Variants in VIP observed in about 807,000 individuals in gnomAD.
The protein encoded by VIP is VIP peptides.
In VIP, 18 loss-of-function variants were observed where a neutral mutation model predicts 20.1. That is an observed-to-expected ratio of 0.90 (90% CI 0.62 to 1.33). The LOEUF is 1.33. VIP is among the 40% of genes most tolerant of loss of function. The probability of loss-of-function intolerance (pLI) is 0.00; values close to 1 mark genes in which losing one functional copy is unlikely to be tolerated. For missense variants in VIP, 209 were observed against 199.4 expected, an observed-to-expected ratio of 1.05 and a Z score of -0.29; for synonymous variants, 70 against 68.1, an observed-to-expected ratio of 1.03 and a Z score of -0.14.
rs2099729758 is a variant in VIP at position 152,752,234 on chromosome 6, C to T, written c.57C>T (p.Leu19=). The change falls in exon 2 of 7, where the codon CTC becomes CTT. Residue 19 remains leucine (L), a synonymous_variant. Coordinates refer to ENST00000367244, the MANE Select transcript of VIP (RefSeq NM_003381.4). ...LLVLLTLLSV[L]FSQTSAWPLY... ...TGCTCCTGACTCTTCTCAGTGTGCT[C>T]TTCTCACAGACTTCGGCATGGCCTC... is the stretch of plus-strand genomic sequence containing the variant. 3 of 1,613,622 alleles carry T rather than the reference C, an allele frequency of 1.9e-6. No homozygotes were observed. Among genetic ancestry groups the T allele is most frequent in the Non-Finnish European group, 2.5e-6 (3 of 1,179,674 alleles).
rs764090062 is a variant in VIP, at chr6:152,755,218, T to C, written c.231-51T>C. 5.7e-6 allele frequency: 7 copies of C among 1,232,520 alleles called. No homozygotes were observed. The South Asian group carries it at 1.0e-4, about 18-fold the overall frequency. 76.3% of individuals were successfully genotyped at this position (1,232,520 alleles called of 1,614,324 possible). A position where few individuals can be genotyped will look rare whatever the true frequency, so the allele number is the denominator to read the frequency against. On this transcript the variant is annotated intron_variant, in intron 3 of 6. Transcript: ENST00000367244. The stretch of plus-strand genomic sequence containing the variant: ...GTTATTTAATAAGCCATAATAATAT[T>C]CTAGAAAGCCATTTACAAAATAATA...
rs747195376 is a variant in VIP, at chr6:152,752,214, C to G, written c.37C>G (p.Leu13Val). 5.0e-6 allele frequency: 8 copies of G among 1,613,420 alleles called. No individual in the cohort carries two copies. Among genetic ancestry groups the G allele is most frequent in the Non-Finnish European group, 6.8e-6 (8 of 1,179,636 alleles). The change falls in exon 2 of 7, where the codon CTG (leucine) becomes GTG (valine). Residue 13 changes from leucine to valine, a missense_variant. Leu to Val is a conservative substitution (Grantham distance 32). Transcript: ENST00000367244. ...AAATAAGGCCCAGCTCCTTGTGCTC[C>G]TGACTCTTCTCAGTGTGCTCTTCTC... ...TRNKAQLLVL[L>V]TLLSVLFSQT...
At position 152,754,163 on chromosome 6, in the gene VIP, C is replaced by G; in HGVS notation, c.108-3C>G. The G allele has an allele frequency of 6.2e-7, 1 of 1,607,976 alleles. No individual in the cohort carries two copies. The highest frequency in any genetic ancestry group is 8.5e-7 in the Non-Finnish European group (1 of 1,177,174). Reference sequence around the variant, plus strand: ...ATTATTCTCGTGTAACTTTCCCCATCAGGTTGGGTGACAGAATACCCTTTG... The same window carrying G: ...ATTATTCTCGTGTAACTTTCCCCATGAGGTTGGGTGACAGAATACCCTTTG... On this transcript the variant is annotated splice_region_variant and splice_polypyrimidine_tract_variant and intron_variant, in intron 2 of 6. Transcript: ENST00000367244.
rs957710250 is a variant in VIP at position 152,750,847 on chromosome 6, T to A, written c.-123T>A. ...GCAGTAACAGCCAACCCTTAGCCAT[T>A]GCTAAGGGCAGAGAACTGGTGGAGC... On this transcript the variant is annotated 5_prime_UTR_variant, in exon 1 of 7. Transcript: ENST00000367244. 1 of 152,230 alleles carries A rather than the reference T, an allele frequency of 6.6e-6. No homozygotes were observed. The highest frequency in any genetic ancestry group is 1.5e-5 in the Non-Finnish European group (1 of 68,100). The allele number at this position is 152,230 out of a possible 1,614,324, so 9.4% of individuals were successfully genotyped here. A position where few individuals can be genotyped will look rare whatever the true frequency, so the allele number is the denominator to read the frequency against.
At chr6:152,753,715 A>G (rs2099729986) in intron 2 of VIP, among the ~76,000 whole-genome samples, 1 of 152,100 alleles carries the variant, frequency 6.6e-6, no homozygotes, top group South Asian at 2.1e-4. Flanking sequence ...TTCTTCAGAG[A>G]TGTTTGGAAC....
chr6:152,754,481 G>T (rs962629807), intron 3 of VIP, among the ~76,000 whole-genome samples, 193 bp downstream of exon 3: 2 of 151,950 alleles, frequency 1.3e-5, no homozygotes, highest in Non-Finnish European at 2.9e-5. Context: ...CATACTGAAA[G>T]GTTGTAACAA....
Position 152,755,247 on chromosome 6 carries a change from A to AT in VIP, c.231-15dup, listed in dbSNP as rs753082413. On this transcript the variant is annotated intron_variant, in intron 3 of 6. Transcript: ENST00000367244. ...GAAAGCCATTTACAAAATAATAGCT[A>AT]TTTTTTTCTTCCTTGTTTTAGAAAT... 8.0e-6 allele frequency: 12 copies of AT among 1,505,374 alleles called. No individual in the cohort carries two copies. In the East Asian group the frequency reaches 1.7e-4, roughly 21 times the overall value. The allele number at this position is 1,505,374 out of a possible 1,614,324, so 93.3% of individuals were successfully genotyped here.
intron 3 of VIP, among the ~76,000 whole-genome samples, 171 bp downstream of exon 3, chr6:152,754,459 G>A (rs1013806911): frequency 2.6e-5 from 4 of 151,964 alleles, no homozygotes; most frequent in Admixed American, 2.0e-4. Context: ...TCTTACAGCT[G>A]TACATAATTT....
At position 152,757,025 on chromosome 6, in the gene VIP, G is replaced by A. The variant is rs2099730527; in HGVS notation, c.468-71G>A. 7 of 1,473,334 alleles carry A rather than the reference G, an allele frequency of 4.8e-6. No individual in the cohort carries two copies. The South Asian group carries it at 8.3e-5, about 18-fold the overall frequency. The allele number at this position is 1,473,334 out of a possible 1,614,324, so 91.3% of individuals were successfully genotyped here. A position where few individuals can be genotyped will look rare whatever the true frequency, so the allele number is the denominator to read the frequency against. ...GCACAGAGAACAGCACATTCATTAT[G>A]TCATAATAGTTTCTTTAGACCCTTT... On this transcript the variant is annotated intron_variant, in intron 5 of 6. Transcript: ENST00000367244.
At chr6:152,756,380 T>C in intron 5 of VIP, 115 bp downstream of exon 5, 1 of 1,234,168 alleles carries the variant, frequency 8.1e-7, no homozygotes, top group Non-Finnish European at 1.1e-6. Context: ...GAAGCAGTGA[T>C]TTTCAACCTT....
At chr6:152,755,222 G>T in intron 3 of VIP, 47 bp from the exon 4 acceptor site, 2 of 1,263,494 alleles carry the variant, frequency 1.6e-6, no homozygotes, top group South Asian at 2.9e-5. Flanking sequence ...TAATATTCTA[G>T]AAAGCCATTT....
intron 2 of VIP, among the ~76,000 whole-genome samples, chr6:152,753,500 C>T (rs546829094): frequency 6.6e-6 from 1 of 152,138 alleles, no homozygotes; most frequent in African/African-American, 2.4e-5. Context: ...ATTGTACATC[C>T]CTTATTAAAG....
intron 4 of VIP, among the ~76,000 whole-genome samples, chr6:152,755,685 A>G (rs1417300794): frequency 6.6e-6 from 1 of 151,908 alleles, no homozygotes; most frequent in African/African-American, 2.4e-5. Context: ...ACTGAGGTAA[A>G]TTTTAAGGTC....
intron 5 of VIP, 81 bp from the exon 6 acceptor site, chr6:152,757,015 C>A: frequency 7.2e-7 from 1 of 1,381,232 alleles, no homozygotes; most frequent in Non-Finnish European, 1.0e-6. Context: ...GAGAACAGCA[C>A]ATTCATTATG....
At chr6:152,756,291 AT>A in intron 5 of VIP, 26 bp downstream of exon 5, 2 of 1,596,094 alleles carry the variant, frequency 1.3e-6, no homozygotes, top group Non-Finnish European at 1.7e-6. Context: ...ACTTGCTAAA[AT>A]GAGGAATCAT....
intron 2 of VIP, 126 bp downstream of exon 2, chr6:152,752,410 G>C: frequency 1.4e-6 from 1 of 724,738 alleles, no homozygotes; most frequent in East Asian, 2.8e-5. Context: ...TTTCCTTGAT[G>C]TGTTGAGTGA....
At position 152,755,367 on chromosome 6, in the gene VIP, G is replaced by A. The variant is rs774370555; in HGVS notation, c.329G>A (p.Arg110His). 14 of 1,541,196 alleles carry A rather than the reference G, an allele frequency of 9.1e-6. No individual in the cohort carries two copies. In the Admixed American group the frequency reaches 9.5e-5, roughly 11 times the overall value. Residue 110 changes from arginine (R) to histidine (H), a missense_variant, in exon 4 of 7, where the codon CGT (arginine) becomes CAT (histidine). By Grantham distance (29) the Arg-to-His change is conservative (BLOSUM62 0). Transcript: ENST00000367244. ...KKYLESLMGK[R>H]VSSNISEDPV... is the part of the protein sequence containing the mutation. ...TACCTTGAGTCTCTTATGGGAAAAC[G>A]TGTTAGGTAAAGAGAATTTATTATT...
intron 4 of VIP, 74 bp from the exon 5 acceptor site, chr6:152,756,060 A>G (rs1269099972): frequency 4.3e-6 from 6 of 1,386,676 alleles, no homozygotes; most frequent in Non-Finnish European, 4.7e-6. Context: ...TGTGGCTCCA[A>G]GAAACCTGGA....
chr6:152,759,163 T>A lies in VIP; in HGVS notation c.*297T>A, dbSNP rs2099730854. On this transcript the variant is annotated 3_prime_UTR_variant, in exon 7 of 7. Coordinates refer to ENST00000367244, the MANE Select transcript of VIP (RefSeq NM_003381.4). ...CTTTCTAACAAAAAAATATATTTAA[T>A]GATAAGTAAATGCTAGGTTAATTCC... 1 of 152,210 alleles carries A rather than the reference T, an allele frequency of 6.6e-6. No homozygotes were observed. The highest frequency in any genetic ancestry group is 1.5e-5 in the Non-Finnish European group (1 of 67,970). 9.4% of individuals were successfully genotyped at this position (152,210 alleles called of 1,614,324 possible). A position where few individuals can be genotyped will look rare whatever the true frequency, so the allele number is the denominator to read the frequency against.
Sources: gnomAD v4.1 joint callset for allele counts (sites outside exome capture counted in the v4.1 genomes callset) on GRCh38, gnomAD v4.1.1 for gene constraint, MANE v1.5 for transcripts, NCBI Gene and HGNC (gene_info 2026-07-23, HGNC 2026-07-21) for gene names.